AFF3: variants seen among roughly 807,000 people sequenced by gnomAD.
AFF3 encodes AF4/FMR2 family member 3.
AFF3 carries 32 observed loss-of-function variants against 129.7 expected under a neutral mutation model. The ratio of observed to expected loss-of-function variants is 0.25; its 90% CI spans 0.19 to 0.33. AFF3 has a LOEUF of 0.33. AFF3 is among the 10% of genes least tolerant of loss of function. The probability of loss-of-function intolerance (pLI) is 1.00; values close to 1 mark genes in which losing one functional copy is unlikely to be tolerated. For missense variants in AFF3, 1,373 were observed against 1,592.0 expected (o/e 0.86, Z 2.34); for synonymous variants, 644 against 635.4 (o/e 1.01, Z -0.20).
chr2:100,140,926 C>A (rs1692843516), intron 1 of AFF3, among the ~76,000 whole-genome samples: 1 of 152,144 alleles, frequency 6.6e-6, no homozygotes, highest in African/African-American at 2.4e-5. Context: ...TCACCTTTCC[C>A]AAACTCTTAC....
chr2:99,553,564 A>G (rs1245816715), intron 24 of AFF3, among the ~76,000 whole-genome samples: 1 of 152,184 alleles, frequency 6.6e-6, no homozygotes, highest in African/African-American at 2.4e-5. Flanking sequence ...ATATCTTAAG[A>G]GAATCTGTAT....
chr2:99,889,398 T>C (rs368688365), intron 7 of AFF3, among the ~76,000 whole-genome samples: 2 of 152,232 alleles, frequency 1.3e-5, no homozygotes, highest in East Asian at 3.8e-4. Flanking sequence ...ATTTGAAATA[T>C]ATTTATTAGC....
intron 4 of AFF3, among the ~76,000 whole-genome samples, chr2:100,052,998 G>A (rs1444431962): frequency 1.3e-5 from 2 of 152,220 alleles, no homozygotes; most frequent in Non-Finnish European, 2.9e-5. Context: ...GGGGAAATGT[G>A]ACAAGAGGGG....
chr2:99,874,432 G>A (rs920903566), intron 7 of AFF3, among the ~76,000 whole-genome samples: 1 of 152,184 alleles, frequency 6.6e-6, no homozygotes, highest in South Asian at 2.1e-4. Flanking sequence ...TTGGTTCAAC[G>A]TGGTTTTCAA....
chr2:99,715,722 A>G (rs1226476615), intron 11 of AFF3, among the ~76,000 whole-genome samples: 2 of 148,874 alleles, frequency 1.3e-5, no homozygotes, highest in Non-Finnish European at 3.0e-5. Context: ...CCCAGGCTGG[A>G]GTGCAGTGGT....
intron 7 of AFF3, among the ~76,000 whole-genome samples, chr2:99,859,873 C>T (rs1690843515): frequency 6.6e-6 from 1 of 152,138 alleles, no homozygotes; most frequent in African/African-American, 2.4e-5. Flanking sequence ...GCCAGGAACA[C>T]CCAGTCCTAG....
chr2:99,620,085 G>A (rs1425885701), intron 13 of AFF3, among the ~76,000 whole-genome samples: 1 of 152,144 alleles, frequency 6.6e-6, no homozygotes, highest in Non-Finnish European at 1.5e-5. Context: ...GGGATCCTGG[G>A]TATTCCAGAC....
chr2:99,710,785 C>T (rs1055200500), intron 11 of AFF3, among the ~76,000 whole-genome samples: 10 of 152,254 alleles, frequency 6.6e-5, no homozygotes, highest in African/African-American at 2.2e-4. Context: ...GAATTCTCTG[C>T]GGTAGAACCT....
intron 1 of AFF3, among the ~76,000 whole-genome samples, chr2:100,130,401 G>C (rs377132556): frequency 6.6e-6 from 1 of 152,246 alleles, no homozygotes; most frequent in South Asian, 2.1e-4. Context: ...AGAGACACCC[G>C]CTCTGAAGAG....
Position 100,139,993 on chromosome 2 carries a change from T to C in AFF3, c.-228+2491A>G, listed in dbSNP as rs73966424. ...AAATGGGTCATTTGAAAGAACAAGT[T>C]AAATCATACCTAATGACATGTCATT... On this transcript the variant is annotated intron_variant, in intron 1 of 24. Transcript: ENST00000672756. Among the ~76,000 whole-genome samples the C allele has an allele frequency of 4.1e-3, 629 of 152,338 alleles. 2 individuals are homozygous for C. The highest frequency in any genetic ancestry group is 0.014 in the African/African-American group (595 of 41,574).
At chr2:99,852,742 G>A (rs528301246) in intron 7 of AFF3, among the ~76,000 whole-genome samples, 1 of 152,290 alleles carries the variant, frequency 6.6e-6, no homozygotes, top group South Asian at 2.1e-4. Context: ...AAAAAGGCTG[G>A]TCTGATCATT....
chr2:99,928,623 TC>T (rs1696449813), intron 7 of AFF3, among the ~76,000 whole-genome samples: 2 of 152,340 alleles, frequency 1.3e-5, no homozygotes, highest in Middle Eastern at 6.8e-3. Flanking sequence ...TAAGTTAGGT[TC>T]CTCTTTTTAT....
Position 99,747,616 on chromosome 2 carries a change from A to G in AFF3, c.1003-3476T>C, listed in dbSNP as rs556819421. ...CCATAAGATCATGTATCCCATAGAT[A>G]GTAAACTTTAAATTTTAACTAAAAC... On this transcript the variant is annotated intron_variant, in intron 9 of 24. Transcript: ENST00000672756. Among the ~76,000 whole-genome samples the G allele has an allele frequency of 3.9e-4, 60 of 152,356 alleles. 1 individual carries two copies. The highest frequency in any genetic ancestry group is 1.4e-3 in the African/African-American group (57 of 41,584).
intron 11 of AFF3, among the ~76,000 whole-genome samples, chr2:99,692,842 G>A (rs949257061): frequency 3.3e-5 from 5 of 152,230 alleles, no homozygotes; most frequent in African/African-American, 1.2e-4. Flanking sequence ...GCAGAAGGAG[G>A]TGACTTAGTC....
chr2:100,061,854 TGGA>T lies in AFF3; in HGVS notation c.53+42545_53+42547del, dbSNP rs1553515712. ...ATCACCAAAGAGATGGGTAGCACAGTGGAGGGGGGGGGGGTGCCGACTCTCAAG... is the reference window on the plus strand; with the variant it reads ...ATCACCAAAGAGATGGGTAGCACAGTGGGGGGGGGGGTGCCGACTCTCAAG... On this transcript the variant is annotated intron_variant, in intron 4 of 24. Transcript: ENST00000672756. 4.0e-3 allele frequency among the ~76,000 whole-genome samples: 302 copies of T among 75,736 alleles called. 12 individuals carry two copies. The highest frequency in any genetic ancestry group is 0.026 in the South Asian group (50 of 1,942). The allele number at this position is 75,736 out of a possible 152,430, so 49.7% of individuals were successfully genotyped here. A position where few individuals can be genotyped will look rare whatever the true frequency, so the allele number is the denominator to read the frequency against.
chr2:99,623,734 G>T (rs34632628), intron 13 of AFF3, among the ~76,000 whole-genome samples: 24,214 of 152,198 alleles, frequency 0.16, 2,386 homozygotes, highest in South Asian at 0.25. Flanking sequence ...AAACGCGGGT[G>T]CCATGTCTGG....
At chr2:99,570,293 C>T (rs555007871) in intron 18 of AFF3, among the ~76,000 whole-genome samples, 1 of 152,148 alleles carries the variant, frequency 6.6e-6, no homozygotes, top group Non-Finnish European at 1.5e-5. Context: ...TAAGAATGTC[C>T]ATATATTGTC....
intron 7 of AFF3, among the ~76,000 whole-genome samples, chr2:99,861,618 T>A (rs549505243): frequency 6.6e-6 from 1 of 152,356 alleles, no homozygotes; most frequent in East Asian, 1.9e-4. Flanking sequence ...GCTCTGTACT[T>A]AACCACTTCC....
chr2:99,954,842 C>T (rs1353776622), intron 7 of AFF3, among the ~76,000 whole-genome samples: 3 of 148,744 alleles, frequency 2.0e-5, no homozygotes, highest in Admixed American at 1.4e-4. Context: ...GTGCAGCACA[C>T]CAGCATGGCA....
Sources: gnomAD v4.1 joint callset for allele counts (sites outside exome capture counted in the v4.1 genomes callset) on GRCh38, gnomAD v4.1.1 for gene constraint, MANE v1.5 for transcripts, NCBI Gene and HGNC (gene_info 2026-07-23, HGNC 2026-07-21) for gene names.